PHYHIPL: variants seen among roughly 807,000 people sequenced by gnomAD.
PHYHIPL encodes the protein phytanoyl-CoA 2-hydroxylase interacting protein like, also known as phytanoyl-CoA hydroxylase-interacting protein-like.
In PHYHIPL, 9 loss-of-function variants were observed where a neutral mutation model predicts 33.4. The ratio of observed to expected loss-of-function variants is 0.27; its 90% CI spans 0.16 to 0.47. PHYHIPL has a LOEUF of 0.47. PHYHIPL is among the 20% of genes least tolerant of loss of function. PHYHIPL has a pLI of 0.99. For missense variants in PHYHIPL, 365 were observed against 460.7 expected (o/e 0.79, Z 1.90); for synonymous variants, 153 against 154.1 (o/e 0.99, Z 0.05).
chr10:59,205,367 A>G (rs1839257031), intron 1 of PHYHIPL, among the ~76,000 whole-genome samples: 1 of 152,156 alleles, frequency 6.6e-6, no homozygotes, highest in Admixed American at 6.5e-5. Flanking sequence ...TCTGTTTTCC[A>G]CAGCATTTTC....
chr10:59,186,038 T>A (rs528493077), intron 1 of PHYHIPL, among the ~76,000 whole-genome samples: 71 of 152,260 alleles, frequency 4.7e-4, no homozygotes, highest in Middle Eastern at 3.4e-3. Context: ...GAAGTCCTTG[T>A]CCATGCCTAT....
rs182993634 is a variant in PHYHIPL, at chr10:59,187,709, G to A, written c.106+10750G>A. 2.0e-4 allele frequency among the ~76,000 whole-genome samples: 31 copies of A among 152,150 alleles called. No individual in the cohort carries two copies. The South Asian group carries it at 5.0e-3, about 24-fold the overall frequency. Reference sequence around the variant, plus strand: ...TTAGTCTTGGGAGGGTGTATGTGTCGAGGAATTTATCCGTTTCTTCTAGAT... The same window carrying A: ...TTAGTCTTGGGAGGGTGTATGTGTCAAGGAATTTATCCGTTTCTTCTAGAT... On this transcript the variant is annotated intron_variant, in intron 1 of 4. Coordinates refer to ENST00000373880, the MANE Select transcript of PHYHIPL (RefSeq NM_032439.4).
At position 59,224,496 on chromosome 10, in the gene PHYHIPL, A is replaced by AC. The variant is rs1839868568; in HGVS notation, c.107-9808_107-9807insC. ...AAAACAAAACAAAACAAAACAAAAC[A>AC]AAAAACAAAACAAAAAACAAAACAA... On this transcript the variant is annotated intron_variant, in intron 1 of 4. Coordinates refer to ENST00000373880, the MANE Select transcript of PHYHIPL (RefSeq NM_032439.4). Among the ~76,000 whole-genome samples, 5 of 52,520 alleles carry AC rather than the reference A, an allele frequency of 9.5e-5. No homozygotes were observed. The South Asian group carries it at 2.5e-3, about 26-fold the overall frequency. 34.5% of individuals were successfully genotyped at this position (52,520 alleles called of 152,430 possible).
upstream of PHYHIPL, among the ~76,000 whole-genome samples, chr10:59,173,720 G>A (rs1238862161): frequency 6.6e-6 from 1 of 151,972 alleles, no homozygotes; most frequent in East Asian, 1.9e-4. Flanking sequence ...TTTCTTTATG[G>A]CCAGTTTTTA....
At chr10:59,235,880 T>A (rs2133288707) in intron 2 of PHYHIPL, among the ~76,000 whole-genome samples, 1 of 152,040 alleles carries the variant, frequency 6.6e-6, no homozygotes, top group Non-Finnish European at 1.5e-5. Context: ...AAGCAAAAAT[T>A]CATATTTTTA....
intron 1 of PHYHIPL, among the ~76,000 whole-genome samples, chr10:59,204,279 T>C (rs1388146138): frequency 6.6e-6 from 1 of 152,098 alleles, no homozygotes; most frequent in Non-Finnish European, 1.5e-5. Context: ...ATTATGAAAA[T>C]TGATGACTGC....
intron 1 of PHYHIPL, among the ~76,000 whole-genome samples, chr10:59,208,366 G>A (rs1329019451): frequency 6.6e-6 from 1 of 152,134 alleles, no homozygotes; most frequent in Non-Finnish European, 1.5e-5. Context: ...CAAACAGAAA[G>A]GAATAGCGTC....
intron 1 of PHYHIPL, among the ~76,000 whole-genome samples, chr10:59,188,504 C>T (rs1489062236): frequency 3.3e-5 from 5 of 152,114 alleles, no homozygotes; most frequent in African/African-American, 1.2e-4. Flanking sequence ...GAGCTGAGTT[C>T]AATTTCTGGA....
intron 1 of PHYHIPL, among the ~76,000 whole-genome samples, chr10:59,184,973 A>G (rs1002271140): frequency 6.7e-6 from 1 of 149,524 alleles, no homozygotes; most frequent in Non-Finnish European, 1.5e-5. Flanking sequence ...TACAAAGGAC[A>G]TGAACTCATC....
chr10:59,215,442 T>C (rs1259930392), intron 1 of PHYHIPL, among the ~76,000 whole-genome samples: 1 of 152,080 alleles, frequency 6.6e-6, no homozygotes, highest in African/African-American at 2.4e-5. Context: ...ATAGAAGTAA[T>C]GTCCTATTTC....
rs536754503 is a variant in PHYHIPL at position 59,246,158 on chromosome 10, ATTG to A, written c.*572_*574del. On this transcript the variant is annotated 3_prime_UTR_variant, in exon 5 of 5. Coordinates refer to ENST00000373880, the MANE Select transcript of PHYHIPL (RefSeq NM_032439.4). Reference sequence around the variant, plus strand: ...TATAATAGAAAAATATTTTATTTGTATTGTTGTATAAAATATTTACAATCATAT... The same window carrying A: ...TATAATAGAAAAATATTTTATTTGTATTGTATAAAATATTTACAATCATAT... 313 of 152,850 alleles carry A rather than the reference ATTG, an allele frequency of 2.0e-3. No individual in the cohort carries two copies. Among genetic ancestry groups the A allele is most frequent in the Non-Finnish European group, 3.8e-3 (262 of 68,076 alleles). 9.5% of individuals were successfully genotyped at this position (152,850 alleles called of 1,614,324 possible).
At chr10:59,222,728 C>CA (rs1426609884) in intron 1 of PHYHIPL, among the ~76,000 whole-genome samples, 1 of 2,664 alleles carries the variant, frequency 3.8e-4, no homozygotes, top group Non-Finnish European at 8.6e-4. Flanking sequence ...GGGGGGGTTT[C>CA]AAAAGAAAAA....
Position 59,244,562 on chromosome 10 carries a change from C to CAAAAA in PHYHIPL, c.597-475_597-471dup, listed in dbSNP as rs71006239. On this transcript the variant is annotated intron_variant, in intron 4 of 4. Transcript: ENST00000373880. The stretch of plus-strand genomic sequence containing the variant: ...CTGGCAACAGAGTGAGACTCTGTCT[C>CAAAAA]AAAAAAAAAAAAAAAAAAAAAAAAG... Among the ~76,000 whole-genome samples, 19 of 39,548 alleles carry CAAAAA rather than the reference C, an allele frequency of 4.8e-4. 5 individuals are homozygous for CAAAAA. The highest frequency in any genetic ancestry group is 1.6e-3 in the Admixed American group (4 of 2,570). The allele number at this position is 39,548 out of a possible 152,430, so 25.9% of individuals were successfully genotyped here.
At chr10:59,204,974 C>T (rs541094658) in intron 1 of PHYHIPL, among the ~76,000 whole-genome samples, 8 of 151,176 alleles carry the variant, frequency 5.3e-5, no homozygotes, top group Non-Finnish European at 1.2e-4. Context: ...AAGCGATTCT[C>T]CTGCCCCAGC....
intron 4 of PHYHIPL, among the ~76,000 whole-genome samples, chr10:59,240,706 A>C (rs1176055949): frequency 1.3e-5 from 2 of 152,120 alleles, no homozygotes; most frequent in African/African-American, 4.8e-5. Context: ...CATCAAAAGA[A>C]TAAATAATTA....
At chr10:59,206,731 T>G (rs1051366160) in intron 1 of PHYHIPL, 1 of 1,107,102 alleles carries the variant, frequency 9.0e-7, no homozygotes, top group Non-Finnish European at 1.2e-6. Flanking sequence ...AAAGCTGTTA[T>G]GCATTTCTTT....
At chr10:59,176,412 G>A (rs1211873934), upstream of PHYHIPL, among the ~76,000 whole-genome samples, 2 of 152,076 alleles carry the variant, frequency 1.3e-5, no homozygotes, top group African/African-American at 4.8e-5. Context: ...CGCGCGCTCG[G>A]TCGCCCGACG....
chr10:59,230,215 T>TC (rs962026929), intron 1 of PHYHIPL, among the ~76,000 whole-genome samples: 15 of 147,484 alleles, frequency 1.0e-4, no homozygotes, highest in Non-Finnish European at 1.9e-4. Flanking sequence ...TTGCTTTCTT[T>TC]TTTTTTTTTT....
At position 59,176,827 on chromosome 10, in the gene PHYHIPL, AGG is replaced by A. The variant is rs1838263361; in HGVS notation, c.-26_-25del. 1.4e-5 allele frequency: 22 copies of A among 1,594,248 alleles called. No individual in the cohort carries two copies. Among genetic ancestry groups the A allele is most frequent in the Non-Finnish European group, 1.8e-5 (21 of 1,167,678 alleles). On this transcript the variant is annotated 5_prime_UTR_variant, in exon 1 of 5. Transcript: ENST00000373880. ...GGCAGAGAGAGCCTGGATACGAAGCAGGCGGGCTTCAGAGTGGGTTGGAAAAA... is the reference window on the plus strand; with the variant it reads ...GGCAGAGAGAGCCTGGATACGAAGCACGGGCTTCAGAGTGGGTTGGAAAAA...
Sources: allele counts gnomAD v4.1 joint callset (sites outside exome capture counted in the v4.1 genomes callset), GRCh38; gene constraint gnomAD v4.1.1; transcripts MANE v1.5; gene names NCBI Gene and HGNC (gene_info 2026-07-23, HGNC 2026-07-21).